Variants in MIS18A observed in about 807,000 individuals in gnomAD.
MIS18A encodes the protein protein Mis18-alpha.
In MIS18A, 14 loss-of-function variants were observed where a neutral mutation model predicts 25.0. The ratio of observed to expected loss-of-function variants is 0.56; its 90% CI spans 0.37 to 0.88. MIS18A has a LOEUF of 0.88. Ranked by LOEUF, MIS18A falls within the 40% of genes least tolerant of loss-of-function variation. The probability of loss-of-function intolerance (pLI) is 0.00; values close to 1 mark genes in which losing one functional copy is unlikely to be tolerated. For synonymous variants in MIS18A, 134 were observed against 118.6 expected, an observed-to-expected ratio of 1.13 and a Z score of -0.84; for missense variants, 292 against 290.8, an observed-to-expected ratio of 1.00 and a Z score of -0.03.
At chr21:32,156,737 T>C in the MIS18A span, among the ~76,000 whole-genome samples, 217 of 152,226 alleles carry the variant, frequency 1.4e-3, no homozygotes, top group African/African-American at 5.0e-3. Flanking sequence ...GTTGCATCTG[T>C]GAGATCTATG....
At chr21:32,169,963 T>C in the MIS18A span, among the ~76,000 whole-genome samples, 75 of 152,212 alleles carry the variant, frequency 4.9e-4, no homozygotes, top group African/African-American at 1.7e-3. Context: ...CACAAAAAAG[T>C]ATAAGATATG....
chr21:32,222,700 G>A, the MIS18A span, among the ~76,000 whole-genome samples: 6 of 152,156 alleles, frequency 3.9e-5, no homozygotes, highest in African/African-American at 1.4e-4. Flanking sequence ...GGGAGGCCAA[G>A]GCGGGCGGGT....
the MIS18A span, among the ~76,000 whole-genome samples, chr21:32,241,309 C>T: frequency 5.3e-5 from 8 of 151,258 alleles, 1 homozygote; most frequent in Admixed American, 5.3e-4. Flanking sequence ...AATTAAAATC[C>T]GAGCAACATT....
chr21:32,252,274 G>GGAA, the MIS18A span, among the ~76,000 whole-genome samples: 1 of 136,936 alleles, frequency 7.3e-6, no homozygotes, highest in Non-Finnish European at 1.6e-5. Context: ...AGGAGGAGGA[G>GGAA]GAGGAGGAAG....
the MIS18A span, among the ~76,000 whole-genome samples, chr21:32,227,705 T>C: frequency 6.6e-6 from 1 of 152,212 alleles, no homozygotes; most frequent in Non-Finnish European, 1.5e-5. Flanking sequence ...ACTCATTCTA[T>C]GAAGCCAGTA....
At position 32,275,648 on chromosome 21, in the gene MIS18A, C is replaced by T. The variant is rs1043310754; in HGVS notation, c.335-752G>A. Among the ~76,000 whole-genome samples the T allele has an allele frequency of 6.6e-5, 10 of 152,142 alleles. No homozygotes were observed. The South Asian group carries it at 1.9e-3, about 28-fold the overall frequency. Reference sequence around the variant, plus strand: ...GAGAAATGAAGAAGGGACATCTGACCTAAAATGGCCAAAACAGACTCTTGA... The same window carrying T: ...GAGAAATGAAGAAGGGACATCTGACTTAAAATGGCCAAAACAGACTCTTGA... On this transcript the variant is annotated intron_variant, in intron 1 of 4. Coordinates refer to ENST00000290130, the MANE Select transcript of MIS18A (RefSeq NM_018944.3).
chr21:32,224,010 GA>G, the MIS18A span, among the ~76,000 whole-genome samples: 1 of 152,100 alleles, frequency 6.6e-6, no homozygotes, highest in Non-Finnish European at 1.5e-5. Flanking sequence ...CACATAAACA[GA>G]ACTAATGACA....
the MIS18A span, among the ~76,000 whole-genome samples, chr21:32,203,771 C>A: frequency 6.6e-6 from 1 of 151,884 alleles, no homozygotes; most frequent in East Asian, 1.9e-4. Context: ...AACATGCCAC[C>A]ATGCCCAGCT....
the MIS18A span, among the ~76,000 whole-genome samples, chr21:32,177,011 A>T: frequency 6.6e-6 from 1 of 152,254 alleles, no homozygotes; most frequent in East Asian, 1.9e-4. Context: ...GAGAGAAAAA[A>T]AATTTCAGGA....
In MIS18A at chr21:32,278,870, C is replaced by T. The variant is rs772617682; in HGVS notation, c.145G>A (p.Ala49Thr). Residue 49 changes from alanine (A) to threonine (T), a missense_variant, in exon 1 of 5, where the codon GCG becomes ACG. Transcript: ENST00000290130. ...TCGCTCATGGAGCTCCACATGCTCGCCCACTTCTGCAACAGCTGGTGGCGG... is the reference window on the plus strand; with the variant it reads ...TCGCTCATGGAGCTCCACATGCTCGTCCACTTCTGCAACAGCTGGTGGCGG... ...SSRHQLLQKW[A>T]SMWSSMSEDA... The T allele has an allele frequency of 4.3e-6, 7 of 1,613,162 alleles. No individual in the cohort carries two copies. Among genetic ancestry groups the T allele is most frequent in the Admixed American group, 3.3e-5 (2 of 59,974 alleles).
chr21:32,239,802 C>T, the MIS18A span, among the ~76,000 whole-genome samples: 1 of 152,166 alleles, frequency 6.6e-6, no homozygotes, highest in Non-Finnish European at 1.5e-5. Flanking sequence ...CTCTATTTAG[C>T]CCTCTGAGGA....
chr21:32,267,268 G>A (rs1175423017), downstream of MIS18A, among the ~76,000 whole-genome samples: 1 of 152,254 alleles, frequency 6.6e-6, no homozygotes, highest in Non-Finnish European at 1.5e-5. Flanking sequence ...TTGACGTTCA[G>A]ATGCTTCAGT....
At chr21:32,201,801 G>A in the MIS18A span, among the ~76,000 whole-genome samples, 90 of 152,014 alleles carry the variant, frequency 5.9e-4, no homozygotes, top group Non-Finnish European at 1.1e-3. Flanking sequence ...GTGACAGAGC[G>A]AGACCCTGTC....
At chr21:32,170,549 TAGAA>T in the MIS18A span, among the ~76,000 whole-genome samples, 1 of 151,604 alleles carries the variant, frequency 6.6e-6, no homozygotes, top group Non-Finnish European at 1.5e-5. Context: ...AAGAAAAAAA[TAGAA>T]AGACTGAAGA....
In MIS18A at chr21:32,268,803, T is replaced by TC. The variant is rs1490988043; in HGVS notation, c.*233_*234insG. On this transcript the variant is annotated 3_prime_UTR_variant, in exon 5 of 5. Transcript: ENST00000290130. ...TAATTCTACAATTTTGGGTTTTTTT[T>TC]TTGAGAGAAGGTCTCACTCTGTTGC... 2.9e-6 allele frequency: 1 copy of TC among 348,588 alleles called. No homozygotes were observed. 21.6% of individuals were successfully genotyped at this position (348,588 alleles called of 1,614,324 possible).
At position 32,279,047 on chromosome 21, in the gene MIS18A, T is replaced by C. The variant is rs1003279767; in HGVS notation, c.-33A>G. 4 of 1,551,168 alleles carry C rather than the reference T, an allele frequency of 2.6e-6. No homozygotes were observed. In the African/African-American group the frequency reaches 4.1e-5, roughly 16 times the overall value. On this transcript the variant is annotated 5_prime_UTR_variant, in exon 1 of 5. The change abolishes an upstream ATG in the 5' untranslated region. Transcript: ENST00000290130. Reference sequence around the variant, plus strand: ...AAATCGCCCGCGCCCCAGAGCGCCATGGGAAAAAAAACCGCCGCTGCTCAT... The same window carrying C: ...AAATCGCCCGCGCCCCAGAGCGCCACGGGAAAAAAAACCGCCGCTGCTCAT...
chr21:32,186,210 G>A, the MIS18A span, among the ~76,000 whole-genome samples: 12 of 152,214 alleles, frequency 7.9e-5, no homozygotes, highest in African/African-American at 2.4e-4. Context: ...CTGACAGATG[G>A]AGAAATGATC....
the MIS18A span, among the ~76,000 whole-genome samples, chr21:32,165,062 G>A: frequency 3.9e-5 from 6 of 152,170 alleles, no homozygotes; most frequent in Admixed American, 3.9e-4. Context: ...GGCCGGGCAC[G>A]GTGGCTCATG....
the MIS18A span, among the ~76,000 whole-genome samples, chr21:32,219,172 A>T: frequency 6.6e-6 from 1 of 152,154 alleles, no homozygotes; most frequent in Admixed American, 6.5e-5. Flanking sequence ...AAAATGCATT[A>T]TTCGGGGGCT....
Sources: allele counts gnomAD v4.1 joint callset (sites outside exome capture counted in the v4.1 genomes callset), GRCh38; gene constraint gnomAD v4.1.1; transcripts MANE v1.5; gene names NCBI Gene and HGNC (gene_info 2026-07-23, HGNC 2026-07-21).